Variants in INTS6 observed in about 807,000 individuals in gnomAD.
INTS6 encodes DEAD box protein.
In INTS6, 16 loss-of-function variants were observed where a neutral mutation model predicts 104.9. That is an observed-to-expected ratio of 0.15 (90% CI 0.10 to 0.23). INTS6 has a LOEUF of 0.23. INTS6 is among the 10% of genes least tolerant of loss of function. The probability of loss-of-function intolerance (pLI) is 1.00; values close to 1 mark genes in which losing one functional copy is unlikely to be tolerated. For synonymous variants in INTS6, 324 were observed against 358.7 expected (o/e 0.90, Z 1.09); for missense variants, 584 against 1,062.8 (o/e 0.55, Z 6.26).
chr13:51,416,002 T>TA (rs1442891891), intron 4 of INTS6, among the ~76,000 whole-genome samples: 3 of 152,230 alleles, frequency 2.0e-5, no homozygotes, highest in South Asian at 2.1e-4. Flanking sequence ...AGAGAAGCTT[T>TA]AAAAAACAGT....
At chr13:51,401,140 C>T (rs1396333181) in intron 4 of INTS6, among the ~76,000 whole-genome samples, 2 of 152,034 alleles carry the variant, frequency 1.3e-5, no homozygotes, top group Non-Finnish European at 2.9e-5. Flanking sequence ...ATTACTAACT[C>T]CAAAGCTCAG....
chr13:51,441,120 G>A (rs1952789859), intron 3 of INTS6: 1 of 152,124 alleles, frequency 6.6e-6, no homozygotes, highest in Non-Finnish European at 1.5e-5. Flanking sequence ...TGAGAAACTT[G>A]ATGCTCAGAG....
At chr13:51,411,948 A>G (rs1956695682) in intron 4 of INTS6, among the ~76,000 whole-genome samples, 1 of 152,236 alleles carries the variant, frequency 6.6e-6, no homozygotes, top group Non-Finnish European at 1.5e-5. Flanking sequence ...ACTGTAGTAT[A>G]GCCATACAAT....
At position 51,409,948 on chromosome 13, in the gene INTS6, T is replaced by C. The variant is rs1956652580; in HGVS notation, c.430-14465A>G. ...CAGGTAAAGATGCAAAAAAATCAAC[T>C]GTTTATGTACTAACAACAAATCATC... On this transcript the variant is annotated intron_variant, in intron 4 of 17. Coordinates refer to ENST00000311234, the MANE Select transcript of INTS6 (RefSeq NM_012141.3). Among the ~76,000 whole-genome samples the C allele has an allele frequency of 3.3e-5, 5 of 152,262 alleles. No homozygotes were observed. In the South Asian group the frequency reaches 8.3e-4, roughly 25 times the overall value.
intron 4 of INTS6, among the ~76,000 whole-genome samples, chr13:51,404,857 A>T (rs926503824): frequency 1.3e-5 from 2 of 148,874 alleles, no homozygotes; most frequent in African/African-American, 5.0e-5. Flanking sequence ...GGGGACTTTT[A>T]AAAAAAATTA....
the INTS6 span, among the ~76,000 whole-genome samples, chr13:51,338,035 T>C: frequency 4.6e-5 from 7 of 152,146 alleles, no homozygotes; most frequent in Non-Finnish European, 8.8e-5. Flanking sequence ...ATATCCTGTA[T>C]GTTAAATTTC....
At chr13:51,361,486 T>C (rs1262762180), downstream of INTS6, 1 of 699,040 alleles carries the variant, frequency 1.4e-6, no homozygotes, top group African/African-American at 1.8e-5. Context: ...TGGTGTAGTA[T>C]TTTTTAAAAA....
chr13:51,417,651 T>G (rs1269335076), intron 4 of INTS6, among the ~76,000 whole-genome samples: 3 of 151,970 alleles, frequency 2.0e-5, no homozygotes, highest in Non-Finnish European at 4.4e-5. Context: ...GAGATGGGGT[T>G]TCACCGGGTT....
intron 3 of INTS6, among the ~76,000 whole-genome samples, chr13:51,434,607 T>C (rs1465720569): frequency 2.6e-5 from 4 of 152,000 alleles, no homozygotes; most frequent in African/African-American, 7.2e-5. Flanking sequence ...ACACACAAGG[T>C]TGTTTTATTA....
At chr13:51,357,503 A>G (rs1004694413), downstream of INTS6, among the ~76,000 whole-genome samples, 5 of 152,108 alleles carry the variant, frequency 3.3e-5, no homozygotes, top group African/African-American at 4.8e-5. Flanking sequence ...CACCACAGCA[A>G]ACATTTGGCC....
chr13:51,393,337 G>A (rs889861039), intron 5 of INTS6, among the ~76,000 whole-genome samples: 7 of 152,032 alleles, frequency 4.6e-5, no homozygotes, highest in Admixed American at 1.3e-4. Context: ...CTTGGCCTTC[G>A]AAAGTGCTGG....
At chr13:51,386,304 AAATAG>A (rs144327342) in intron 7 of INTS6, among the ~76,000 whole-genome samples, 2 of 152,160 alleles carry the variant, frequency 1.3e-5, no homozygotes, top group African/African-American at 4.8e-5. Context: ...CATGTTAAAT[AAATAG>A]AATAAATAAC....
At chr13:51,406,924 A>G (rs1379554371) in intron 4 of INTS6, among the ~76,000 whole-genome samples, 1 of 148,048 alleles carries the variant, frequency 6.8e-6, no homozygotes, top group Non-Finnish European at 1.5e-5. Flanking sequence ...TTAGCTCATC[A>G]GCTATCATTA....
intron 3 of INTS6, 105 bp downstream of exon 3, chr13:51,450,920 G>A (rs1953029281): frequency 1.5e-6 from 2 of 1,351,070 alleles, no homozygotes; most frequent in African/African-American, 3.0e-5. Context: ...ATTTTAATTT[G>A]GAATGTTTTA....
the INTS6 span, among the ~76,000 whole-genome samples, chr13:51,334,439 A>G: frequency 6.6e-6 from 1 of 152,210 alleles, no homozygotes; most frequent in Non-Finnish European, 1.5e-5. Flanking sequence ...AAAATAATCT[A>G]TGATAGGAGA....
At chr13:51,342,178 C>CAAAAAAA in the INTS6 span, among the ~76,000 whole-genome samples, 38 of 63,458 alleles carry the variant, frequency 6.0e-4, no homozygotes, top group Non-Finnish European at 7.7e-4. Flanking sequence ...AAAGACAGAA[C>CAAAAAAA]AAAAAAAAAA....
chr13:51,424,414 T>C (rs1387874669), intron 4 of INTS6, among the ~76,000 whole-genome samples: 1 of 152,044 alleles, frequency 6.6e-6, no homozygotes, highest in Non-Finnish European at 1.5e-5. Flanking sequence ...AAATGTAAAT[T>C]GCTGAAAACT....
At chr13:51,369,877 C>T (rs552601214) in intron 15 of INTS6, among the ~76,000 whole-genome samples, 38 of 152,278 alleles carry the variant, frequency 2.5e-4, no homozygotes, top group Non-Finnish European at 4.4e-4. Context: ...TGCAGAGCAA[C>T]CTGGTGCCCA....
At chr13:51,340,065 C>T in the INTS6 span, among the ~76,000 whole-genome samples, 3 of 152,210 alleles carry the variant, frequency 2.0e-5, no homozygotes, top group Non-Finnish European at 2.9e-5. Context: ...TAGGCACCAT[C>T]GTGCTCAGTG....
Sources: allele counts gnomAD v4.1 joint callset (sites outside exome capture counted in the v4.1 genomes callset), GRCh38; gene constraint gnomAD v4.1.1; transcripts MANE v1.5; gene names NCBI Gene and HGNC (gene_info 2026-07-23, HGNC 2026-07-21).